SCFD1: variants seen among roughly 807,000 people sequenced by gnomAD.
The protein encoded by SCFD1 is sec1 family domain-containing protein 1.
A neutral mutation model predicts 103.2 loss-of-function variants in SCFD1; 37 were observed. That is an observed-to-expected ratio of 0.36 (90% CI 0.28 to 0.47). The LOEUF (loss-of-function observed/expected upper bound fraction) is 0.47, where lower values mean the gene tolerates loss of function less well. Ranked by LOEUF, SCFD1 falls within the 20% of genes least tolerant of loss-of-function variation. The pLI is 1.00. For missense variants in SCFD1, 639 were observed against 761.2 expected, an observed-to-expected ratio of 0.84 and a Z score of 1.89; for synonymous variants, 264 against 245.0, an observed-to-expected ratio of 1.08 and a Z score of -0.73.
At chr14:30,724,273 G>A (rs1472078380) in intron 23 of SCFD1, among the ~76,000 whole-genome samples, 1 of 10,988 alleles carries the variant, frequency 9.1e-5, no homozygotes, top group East Asian at 2.0e-3. Flanking sequence ...TTTTTTTTTT[G>A]AGACAGTCTT....
intron 17 of SCFD1, among the ~76,000 whole-genome samples, chr14:30,704,269 G>A (rs960587568): frequency 2.0e-5 from 3 of 151,840 alleles, no homozygotes; most frequent in African/African-American, 7.3e-5. Flanking sequence ...TCACAGTCCT[G>A]GGCTCATGAT....
intron 15 of SCFD1, among the ~76,000 whole-genome samples, chr14:30,697,554 A>G (rs192629583): frequency 1.3e-5 from 2 of 152,358 alleles, no homozygotes; most frequent in Non-Finnish European, 1.5e-5. Context: ...AGGTAACCAC[A>G]GTGAACGTCG....
chr14:30,701,583 G>C (rs1891082298), intron 16 of SCFD1, among the ~76,000 whole-genome samples: 1 of 151,870 alleles, frequency 6.6e-6, no homozygotes, highest in Non-Finnish European at 1.5e-5. Context: ...TCATCAACAG[G>C]GGTTTACCTA....
chr14:30,680,860 G>A (rs1049267468), intron 14 of SCFD1, among the ~76,000 whole-genome samples: 1 of 152,114 alleles, frequency 6.6e-6, no homozygotes, highest in East Asian at 1.9e-4. Context: ...CACTGGTTCT[G>A]CTCTAATTTT....
chr14:30,722,417 AT>A, intron 22 of SCFD1, 76 bp from the exon 23 acceptor site: 1 of 1,082,662 alleles, frequency 9.2e-7, no homozygotes, highest in Non-Finnish European at 1.4e-6. Flanking sequence ...TTTGGCTAGC[AT>A]TTTTTAACCT....
chr14:30,666,129 T>C (rs569748992), intron 10 of SCFD1, among the ~76,000 whole-genome samples: 12 of 152,322 alleles, frequency 7.9e-5, no homozygotes, highest in African/African-American at 2.4e-4. Context: ...ATCACACTTA[T>C]TCCAAAACTG....
intron 10 of SCFD1, among the ~76,000 whole-genome samples, chr14:30,663,755 C>T (rs957395353): frequency 6.6e-6 from 1 of 152,212 alleles, no homozygotes. Flanking sequence ...AGCACTGCCT[C>T]TGAAGTCAGA....
intron 10 of SCFD1, chr14:30,658,022 T>C (rs1887072207): frequency 2.2e-6 from 1 of 451,164 alleles, no homozygotes; most frequent in Admixed American, 2.4e-5. Flanking sequence ...TTTATTGGGA[T>C]ATAAGAAGCA....
chr14:30,695,713 A>C (rs557305295), intron 15 of SCFD1, among the ~76,000 whole-genome samples: 1 of 152,042 alleles, frequency 6.6e-6, no homozygotes, highest in Non-Finnish European at 1.5e-5. Flanking sequence ...CACACAAAAA[A>C]TGAAGAAAGT....
At chr14:30,733,161 C>T (rs1009118782) in intron 23 of SCFD1, among the ~76,000 whole-genome samples, 8 of 152,040 alleles carry the variant, frequency 5.3e-5, no homozygotes, top group Non-Finnish European at 1.0e-4. Context: ...AGGCATGCGC[C>T]ACCACACCTG....
intron 14 of SCFD1, among the ~76,000 whole-genome samples, chr14:30,681,169 C>T (rs945446225): frequency 6.7e-6 from 1 of 149,488 alleles, no homozygotes; most frequent in Non-Finnish European, 1.5e-5. Context: ...TGCAGTGAGC[C>T]GAGATCGTGC....
At chr14:30,720,939 A>C (rs527614573) in intron 21 of SCFD1, among the ~76,000 whole-genome samples, 1 of 152,318 alleles carries the variant, frequency 6.6e-6, no homozygotes, top group South Asian at 2.1e-4. Flanking sequence ...GAAGAATATT[A>C]GCATTGATAA....
At chr14:30,721,023 A>G (rs1393202054) in intron 21 of SCFD1, among the ~76,000 whole-genome samples, 1 of 152,160 alleles carries the variant, frequency 6.6e-6, no homozygotes, top group Non-Finnish European at 1.5e-5. Flanking sequence ...AATCTTGGTG[A>G]CTAATAACTA....
intron 7 of SCFD1, among the ~76,000 whole-genome samples, chr14:30,644,451 T>C (rs1409005787): frequency 6.6e-6 from 1 of 152,216 alleles, no homozygotes; most frequent in Non-Finnish European, 1.5e-5. Context: ...GCTGAACTAA[T>C]TTACATTCCT....
intron 16 of SCFD1, among the ~76,000 whole-genome samples, chr14:30,701,879 A>G (rs1891105624): frequency 6.6e-6 from 1 of 152,136 alleles, no homozygotes; most frequent in Non-Finnish European, 1.5e-5. Flanking sequence ...CTAGAATGAA[A>G]ATGAGATGAG....
intron 19 of SCFD1, among the ~76,000 whole-genome samples, chr14:30,708,995 T>A (rs1253069250): frequency 6.6e-6 from 1 of 152,214 alleles, no homozygotes; most frequent in African/African-American, 2.4e-5. Context: ...CTCTCCTGAA[T>A]CCTTCAATTA....
chr14:30,627,565 G>A (rs997613744), intron 1 of SCFD1, among the ~76,000 whole-genome samples: 4 of 151,820 alleles, frequency 2.6e-5, no homozygotes, highest in East Asian at 1.9e-4. Flanking sequence ...TGACCAACAC[G>A]GAGAAACCTC....
chr14:30,635,157 C>T (rs1440141973), intron 4 of SCFD1: 1 of 355,008 alleles, frequency 2.8e-6, no homozygotes, highest in Non-Finnish European at 5.5e-6. Flanking sequence ...TGATGCCCAG[C>T]TTTCTCTTTT....
intron 1 of SCFD1, among the ~76,000 whole-genome samples, chr14:30,626,635 T>C (rs1278601737): frequency 6.6e-6 from 1 of 152,192 alleles, no homozygotes; most frequent in Non-Finnish European, 1.5e-5. Flanking sequence ...CCCAGCGCAT[T>C]GCCACTGAGT....
Sources: allele counts gnomAD v4.1 joint callset (sites outside exome capture counted in the v4.1 genomes callset), GRCh38; gene constraint gnomAD v4.1.1; transcripts MANE v1.5; gene names NCBI Gene and HGNC (gene_info 2026-07-23, HGNC 2026-07-21).